Variants in RAB1A observed in about 807,000 individuals in gnomAD.
RAB1A encodes the protein ras-related protein Rab-1A.
Under a neutral mutation model 26.0 loss-of-function variants are expected in RAB1A, and 2 were observed. The ratio of observed to expected loss-of-function variants is 0.08; its 90% confidence interval spans 0.03 to 0.24. The LOEUF (loss-of-function observed/expected upper bound fraction) is 0.24. Among genes scored for constraint, RAB1A ranks in the 10% least tolerant of loss-of-function variants. RAB1A has a pLI of 1.00. For missense variants in RAB1A, 100 were observed against 247.0 expected, an observed-to-expected ratio of 0.40 and a Z score of 3.99; for synonymous variants, 84 against 84.9, an observed-to-expected ratio of 0.99 and a Z score of 0.06.
chr2:65,089,092 TGATAATATAGTTC>T (rs756776246), intron 4 of RAB1A, 22 bp from the exon 5 acceptor site: 7 of 1,586,358 alleles, frequency 4.4e-6, no homozygotes, highest in East Asian at 2.2e-5. Context: ...TTTGAAAGAC[TGATAATATAGTTC>T]GATAATATAG....
intron 1 of RAB1A, among the ~76,000 whole-genome samples, chr2:65,123,123 G>C (rs1670010598): frequency 6.6e-6 from 1 of 151,110 alleles, no homozygotes; most frequent in East Asian, 1.9e-4. Flanking sequence ...ACAGCCAACA[G>C]ATTGCTATGG....
At chr2:65,123,715 A>C (rs1324852081) in intron 1 of RAB1A, among the ~76,000 whole-genome samples, 1 of 151,912 alleles carries the variant, frequency 6.6e-6, no homozygotes, top group South Asian at 2.1e-4. Context: ...ACTCCCAGCT[A>C]CTTGAGAGGC....
In RAB1A at chr2:65,088,701, A is replaced by G; in HGVS notation, c.421-11T>C. On this transcript the variant is annotated splice_polypyrimidine_tract_variant and intron_variant, in intron 5 of 5. Coordinates refer to ENST00000409784, the MANE Select transcript of RAB1A (RefSeq NM_004161.5). ...GGAATCAGCAAATTCCTAAGAGAAT[A>G]ATGAGGCACAATTAACACTGAAAAA... The G allele has an allele frequency of 3.2e-6, 5 of 1,585,734 alleles. No individual in the cohort carries two copies. The highest frequency in any genetic ancestry group is 4.3e-6 in the Non-Finnish European group (5 of 1,162,628).
intron 1 of RAB1A, among the ~76,000 whole-genome samples, chr2:65,111,031 G>A: frequency 6.6e-6 from 1 of 152,054 alleles, no homozygotes. Flanking sequence ...AAACTAAGGA[G>A]AAACAGGATA....
intron 2 of RAB1A, among the ~76,000 whole-genome samples, chr2:65,101,810 T>G (rs889872525): frequency 7.2e-6 from 1 of 138,210 alleles, no homozygotes; most frequent in Non-Finnish European, 1.5e-5. Context: ...AGTGCAATGG[T>G]GCGATCTCGA....
At chr2:65,089,454 G>A (rs1669117829) in intron 4 of RAB1A, among the ~76,000 whole-genome samples, 2 of 151,758 alleles carry the variant, frequency 1.3e-5, no homozygotes, top group Admixed American at 6.6e-5. Context: ...GAGCTCAATC[G>A]GCCCACCTTG....
At chr2:65,089,625 T>A (rs1191673438) in intron 4 of RAB1A, among the ~76,000 whole-genome samples, 1 of 152,084 alleles carries the variant, frequency 6.6e-6, no homozygotes, top group East Asian at 1.9e-4. Context: ...AATATTAAAC[T>A]GCAACGCAGG....
chr2:65,114,712 GC>G (rs1669783521), intron 1 of RAB1A, among the ~76,000 whole-genome samples: 1 of 152,236 alleles, frequency 6.6e-6, no homozygotes, highest in Admixed American at 6.5e-5. Context: ...GGGCGCGGTG[GC>G]GGGCGCCTGT....
intron 1 of RAB1A, among the ~76,000 whole-genome samples, chr2:65,106,839 T>C (rs1265479358): frequency 1.3e-5 from 2 of 151,750 alleles, no homozygotes; most frequent in Admixed American, 6.6e-5. Context: ...TTTACTACTA[T>C]TGATAAGGTT....
chr2:65,097,706 T>C (rs1024179141), intron 3 of RAB1A, among the ~76,000 whole-genome samples: 1 of 152,200 alleles, frequency 6.6e-6, no homozygotes, highest in African/African-American at 2.4e-5. Context: ...AGATTTCCAC[T>C]GATAAAAGAA....
chr2:65,091,064 G>C lies in RAB1A; in HGVS notation c.207C>G (p.Gly69=). The C allele has an allele frequency of 6.2e-7, 1 of 1,612,266 alleles. No homozygotes were observed. The highest frequency in any genetic ancestry group is 8.5e-7 in the Non-Finnish European group (1 of 1,178,566). The change falls in exon 4 of 6, where the codon GGC becomes GGG. Residue 69 remains glycine, a synonymous_variant. Coordinates refer to ENST00000409784, the MANE Select transcript of RAB1A (RefSeq NM_004161.5). ...TIKLQIWDTA[G]QERFRTITSS... Reference sequence around the variant, plus strand: ...AGGTGATTGTTCGAAATCTTTCCTGGCCTGCTGTGTCCCACTATTACAAAA... The same window carrying C: ...AGGTGATTGTTCGAAATCTTTCCTGCCCTGCTGTGTCCCACTATTACAAAA...
At chr2:65,115,700 T>C (rs1452411828) in intron 1 of RAB1A, among the ~76,000 whole-genome samples, 2 of 152,036 alleles carry the variant, frequency 1.3e-5, no homozygotes, top group East Asian at 1.9e-4. Flanking sequence ...TTTAAAGAAA[T>C]AGTCAAGCAA....
Position 65,113,473 on chromosome 2 carries a change from C to G in RAB1A, c.24-8667G>C, listed in dbSNP as rs138941329. The stretch of plus-strand genomic sequence containing the variant: ...GTGAGCTAGGAATAGAACCATTGCA[C>G]TCACTCTAGCCTAGGCAACAAGAGT... On this transcript the variant is annotated intron_variant, in intron 1 of 5. Coordinates refer to ENST00000409784, the MANE Select transcript of RAB1A (RefSeq NM_004161.5). Among the ~76,000 whole-genome samples the G allele has an allele frequency of 4.5e-3, 679 of 152,188 alleles. 20 individuals are homozygous for G. Among genetic ancestry groups the G allele is most frequent in the Admixed American group, 0.041 (630 of 15,272 alleles).
chr2:65,106,355 A>T, intron 1 of RAB1A: 1 of 326,302 alleles, frequency 3.1e-6, no homozygotes, highest in Non-Finnish European at 6.0e-6. Flanking sequence ...CCACGTCACA[A>T]TTTAGATTAA....
At chr2:65,106,317 T>C (rs1051446317) in intron 1 of RAB1A, 15 of 282,594 alleles carry the variant, frequency 5.3e-5, no homozygotes, top group Non-Finnish European at 9.3e-5. Context: ...CTTTTTGATT[T>C]ACTTTCAAAA....
In RAB1A at chr2:65,130,047, T is replaced by C; in HGVS notation, c.-132A>G. On this transcript the variant is annotated 5_prime_UTR_variant, in exon 1 of 6. Coordinates refer to ENST00000409784, the MANE Select transcript of RAB1A (RefSeq NM_004161.5). ...CGGGAGAGCAAACGTCTTCCCCTACTCCGTCCCCTAGAACACAATCAGCAG... is the reference window on the plus strand; with the variant it reads ...CGGGAGAGCAAACGTCTTCCCCTACCCCGTCCCCTAGAACACAATCAGCAG... The C allele has an allele frequency of 9.8e-7, 1 of 1,015,468 alleles. No homozygotes were observed. Among genetic ancestry groups the C allele is most frequent in the Non-Finnish European group, 1.5e-6 (1 of 668,816 alleles). 62.9% of individuals were successfully genotyped at this position (1,015,468 alleles called of 1,614,324 possible).
intron 1 of RAB1A, 43 bp from the exon 2 acceptor site, chr2:65,104,849 G>T: frequency 7.0e-7 from 1 of 1,429,852 alleles, no homozygotes; most frequent in Non-Finnish European, 9.9e-7. Flanking sequence ...AAAGCACACT[G>T]CATTGCTATA....
At chr2:65,095,640 A>C (rs1669265964) in intron 3 of RAB1A, among the ~76,000 whole-genome samples, 1 of 151,368 alleles carries the variant, frequency 6.6e-6, no homozygotes, top group African/African-American at 2.4e-5. Flanking sequence ...CTGGGATTAC[A>C]GGCATGAGGC....
intron 3 of RAB1A, among the ~76,000 whole-genome samples, chr2:65,095,533 T>G (rs113506850): frequency 0.1 from 14,859 of 148,358 alleles, 992 homozygotes; most frequent in South Asian, 0.19. Context: ...TTTTTTTTTT[T>G]TGGTAGAGAT....
Sources: gnomAD v4.1 joint callset for allele counts (sites outside exome capture counted in the v4.1 genomes callset) on GRCh38, gnomAD v4.1.1 for gene constraint, MANE v1.5 for transcripts, NCBI Gene and HGNC (gene_info 2026-07-23, HGNC 2026-07-21) for gene names.